The following SNX2 variants were observed in gnomAD, a reference collection of about 807,000 sequenced individuals.
SNX2 encodes the protein sorting nexin-2.
A neutral mutation model predicts 69.9 loss-of-function variants in SNX2; 25 were observed. That is an observed-to-expected ratio of 0.36 (90% CI 0.26 to 0.50). SNX2 has a LOEUF of 0.50. SNX2 is among the 20% of genes least tolerant of loss of function. The pLI is 0.97. For synonymous variants in SNX2, 229 were observed against 200.4 expected, an observed-to-expected ratio of 1.14 and a Z score of -1.20; for missense variants, 551 against 613.3, an observed-to-expected ratio of 0.90 and a Z score of 1.07.
chr5:122,784,302 C>T (rs1049430492), intron 1 of SNX2, among the ~76,000 whole-genome samples: 11 of 149,236 alleles, frequency 7.4e-5, no homozygotes, highest in Non-Finnish European at 1.5e-4. Context: ...TTTCCTTTTT[C>T]ATGATCTCAG....
intron 1 of SNX2, among the ~76,000 whole-genome samples, chr5:122,789,452 C>CAA (rs1239951048): frequency 1.7e-5 from 2 of 117,774 alleles, no homozygotes; most frequent in African/African-American, 7.3e-5. Context: ...TACACACACA[C>CAA]ACACACACAC....
At chr5:122,820,319 C>A (rs941915853) in intron 11 of SNX2, among the ~76,000 whole-genome samples, 3 of 152,082 alleles carry the variant, frequency 2.0e-5, no homozygotes, top group Non-Finnish European at 4.4e-5. Context: ...GGGTGGATCA[C>A]GAGGTCAGGA....
chr5:122,776,633 C>CT (rs1561435425), intron 1 of SNX2, among the ~76,000 whole-genome samples: 2 of 152,138 alleles, frequency 1.3e-5, no homozygotes, highest in Non-Finnish European at 2.9e-5. Context: ...TATACAGCTA[C>CT]TTTAACATGT....
chr5:122,796,081 T>A (rs1753369723), intron 2 of SNX2, among the ~76,000 whole-genome samples: 1 of 152,214 alleles, frequency 6.6e-6, no homozygotes, highest in African/African-American at 2.4e-5. Flanking sequence ...AAACTTAATA[T>A]GGATGGATTC....
intron 1 of SNX2, among the ~76,000 whole-genome samples, chr5:122,795,055 T>C (rs1300790311): frequency 6.6e-6 from 1 of 152,154 alleles, no homozygotes; most frequent in Non-Finnish European, 1.5e-5. Flanking sequence ...TTTTCTTTTT[T>C]AAATCTTAAG....
intron 11 of SNX2, among the ~76,000 whole-genome samples, chr5:122,823,209 A>AG (rs562083260): frequency 2.8e-4 from 42 of 152,324 alleles, no homozygotes; most frequent in African/African-American, 9.9e-4. Context: ...TGACATACAA[A>AG]GGGACACATT....
rs1489430095 is a variant in SNX2, at chr5:122,833,562, C to T, written c.*3914C>T. On this transcript the variant is annotated 3_prime_UTR_variant, in exon 15 of 15. Coordinates refer to ENST00000379516, the MANE Select transcript of SNX2 (RefSeq NM_003100.4). ...ACTTTCATCACATCTCCATTCAGAC[C>T]GGCTACAATTTGATCAGTTGTCACA... is the stretch of plus-strand genomic sequence containing the variant. 3.9e-5 allele frequency: 6 copies of T among 152,132 alleles called. No individual in the cohort carries two copies. Among genetic ancestry groups the T allele is most frequent in the East Asian group, 1.9e-4 (1 of 5,180 alleles). The allele number at this position is 152,132 out of a possible 1,614,324, so 9.4% of individuals were successfully genotyped here. A position where few individuals can be genotyped will look rare whatever the true frequency, so the allele number is the denominator to read the frequency against.
chr5:122,781,605 T>A (rs955755758), intron 1 of SNX2, among the ~76,000 whole-genome samples: 5 of 152,210 alleles, frequency 3.3e-5, no homozygotes, highest in Admixed American at 1.3e-4. Context: ...AAAGTGGCTG[T>A]ACCATTTTGC....
chr5:122,790,606 A>G (rs1753211492), intron 1 of SNX2, among the ~76,000 whole-genome samples: 1 of 152,214 alleles, frequency 6.6e-6, no homozygotes. Flanking sequence ...ACCTAATGTC[A>G]GAAGTGGGGG....
At chr5:122,806,142 G>GCGCTCGCGCACACACACACACACACA in intron 6 of SNX2, among the ~76,000 whole-genome samples, 1 of 130,656 alleles carries the variant, frequency 7.7e-6, no homozygotes, top group East Asian at 2.1e-4. Context: ...ACACGCGCGC[G>GCGCTCGCGCACACACACACACACACA]CACACACACA....
chr5:122,825,974 A>G (rs567685308), intron 11 of SNX2, 76 bp from the exon 12 acceptor site: 2 of 1,356,284 alleles, frequency 1.5e-6, no homozygotes, highest in East Asian at 4.7e-5. Flanking sequence ...TGTTTTCAGT[A>G]TTATAACACT....
chr5:122,797,774 A>G (rs772608578), intron 2 of SNX2, among the ~76,000 whole-genome samples: 1 of 152,220 alleles, frequency 6.6e-6, no homozygotes, highest in Non-Finnish European at 1.5e-5. Context: ...CCTATGAAGC[A>G]TCTTCCTGAA....
intron 7 of SNX2, among the ~76,000 whole-genome samples, chr5:122,810,371 C>T (rs1274243031): frequency 7.3e-6 from 1 of 137,616 alleles, no homozygotes; most frequent in African/African-American, 2.8e-5. Context: ...AAATCCCCCT[C>T]TGCGAGAAAC....
Position 122,816,994 on chromosome 5 carries a change from A to T in SNX2, c.878A>T (p.Asn293Ile), listed in dbSNP as rs1362704067. 6.2e-7 allele frequency: 1 copy of T among 1,612,392 alleles called. No individual in the cohort carries two copies. The highest frequency in any genetic ancestry group is 1.1e-5 in the South Asian group (1 of 90,712). ...GTGAACAAGGCTGCCGACGCTGTCA[A>T]CAAAATGACAATCAAGATGAATGAA... ...RMVNKAADAV[N>I]KMTIKMNESD... Residue 293 changes from asparagine (N) to isoleucine (I), a missense_variant, in exon 9 of 15, where the codon AAC becomes ATC. Around this residue, in one of 2 missense-constraint regions of SNX2, gnomAD observed 360 missense variants for 450.4 expected, o/e 0.80. Coordinates refer to ENST00000379516, the MANE Select transcript of SNX2 (RefSeq NM_003100.4).
At chr5:122,819,852 C>T (rs1170892509) in intron 11 of SNX2, among the ~76,000 whole-genome samples, 2 of 152,108 alleles carry the variant, frequency 1.3e-5, no homozygotes, top group African/African-American at 2.4e-5. Context: ...AGTTAATACT[C>T]ATCTACAATG....
intron 1 of SNX2, among the ~76,000 whole-genome samples, chr5:122,791,119 ATTT>A (rs71623268): frequency 7.6e-6 from 1 of 131,688 alleles, no homozygotes; most frequent in Non-Finnish European, 1.6e-5. Context: ...GGCTATTTCA[ATTT>A]TTTTTTTTTT....
At chr5:122,827,344 G>T in intron 12 of SNX2, 35 bp from the exon 13 acceptor site, 3 of 1,550,310 alleles carry the variant, frequency 1.9e-6, no homozygotes, top group Admixed American at 1.8e-5. Flanking sequence ...ACTTTTTTTT[G>T]AGATAAGCAT....
At chr5:122,775,816 T>C in intron 1 of SNX2, 1 of 970,596 alleles carries the variant, frequency 1.0e-6, no homozygotes, top group Non-Finnish European at 1.2e-6. Context: ...TTTTAAAAGG[T>C]CATAGTATTT....
At position 122,834,071 on chromosome 5, in the gene SNX2, A is replaced by C. The variant is rs780119918; in HGVS notation, c.*4423A>C. On this transcript the variant is annotated 3_prime_UTR_variant, in exon 15 of 15. Transcript: ENST00000379516. ...ATGATTGAACTGATTATTCCTGTTA[A>C]ATTTATGTGTGAACCATATGTGAAC... 3 of 152,248 alleles carry C rather than the reference A, an allele frequency of 2.0e-5. No individual in the cohort carries two copies. Among genetic ancestry groups the C allele is most frequent in the Non-Finnish European group, 4.4e-5 (3 of 68,030 alleles). 9.4% of individuals were successfully genotyped at this position (152,248 alleles called of 1,614,324 possible). A position where few individuals can be genotyped will look rare whatever the true frequency, so the allele number is the denominator to read the frequency against.
Sources: gnomAD v4.1 joint callset for allele counts (sites outside exome capture counted in the v4.1 genomes callset) on GRCh38, gnomAD v4.1.1 for gene constraint, gnomAD v4.1.1 regional missense constraint, MANE v1.5 for transcripts, NCBI Gene and HGNC (gene_info 2026-07-23, HGNC 2026-07-21) for gene names.